Variants in FNDC3B observed in about 807,000 individuals in gnomAD.
The protein encoded by FNDC3B is fibronectin type III domain containing 3B, also known as fibronectin type III domain-containing protein 3B.
A neutral mutation model predicts 151.5 loss-of-function variants in FNDC3B; 12 were observed. The ratio of observed to expected loss-of-function variants is 0.08; its 90% CI spans 0.05 to 0.13. The LOEUF (loss-of-function observed/expected upper bound fraction) is 0.13. FNDC3B is among the 10% of genes least tolerant of loss of function. The pLI is 1.00. For missense variants in FNDC3B, 1,214 were observed against 1,505.3 expected, an observed-to-expected ratio of 0.81 and a Z score of 3.20; for synonymous variants, 528 against 549.0, an observed-to-expected ratio of 0.96 and a Z score of 0.54.
At chr3:172,070,760 C>G (rs757260695) in intron 1 of FNDC3B, among the ~76,000 whole-genome samples, 5 of 152,184 alleles carry the variant, frequency 3.3e-5, no homozygotes, top group Admixed American at 6.5e-5. Flanking sequence ...CCAGCCTTGA[C>G]AATCAATCAG....
At chr3:172,322,338 G>GA (rs1378306782) in intron 11 of FNDC3B, among the ~76,000 whole-genome samples, 1 of 152,184 alleles carries the variant, frequency 6.6e-6, no homozygotes, top group East Asian at 1.9e-4. Flanking sequence ...AGTGAGAATC[G>GA]AAAATCAGGT....
intron 1 of FNDC3B, among the ~76,000 whole-genome samples, chr3:172,058,444 C>G (rs1369023059): frequency 6.7e-6 from 1 of 149,114 alleles, no homozygotes; most frequent in Non-Finnish European, 1.5e-5. Context: ...GAATGAGATC[C>G]TTAATTTTCT....
intron 2 of FNDC3B, chr3:172,126,927 T>G: frequency 2.4e-6 from 1 of 418,240 alleles, no homozygotes; most frequent in Non-Finnish European, 4.8e-6. Flanking sequence ...CTTCTGTGAA[T>G]GGATTCCTAT....
chr3:172,314,761 T>A (rs995928210), intron 11 of FNDC3B, among the ~76,000 whole-genome samples: 1 of 152,194 alleles, frequency 6.6e-6, no homozygotes, highest in Non-Finnish European at 1.5e-5. Flanking sequence ...TTGACCTTCA[T>A]GGGAAGATCC....
intron 3 of FNDC3B, among the ~76,000 whole-genome samples, chr3:172,187,812 A>G (rs369396923): frequency 6.6e-6 from 1 of 151,960 alleles, no homozygotes; most frequent in African/African-American, 2.4e-5. Context: ...TAGAGAGCGG[A>G]TTTCGCCATG....
chr3:172,095,606 G>A (rs1418413050), intron 1 of FNDC3B, among the ~76,000 whole-genome samples: 1 of 152,212 alleles, frequency 6.6e-6, no homozygotes, highest in Non-Finnish European at 1.5e-5. Context: ...ATTTGGCACA[G>A]ATGTGATCAG....
chr3:172,051,298 C>T (rs1468599872), intron 1 of FNDC3B, among the ~76,000 whole-genome samples: 1 of 151,736 alleles, frequency 6.6e-6, no homozygotes, highest in Non-Finnish European at 1.5e-5. Context: ...CCTAACTTAA[C>T]ATTTTCTTAA....
intron 20 of FNDC3B, 50 bp downstream of exon 20, chr3:172,346,490 C>T (rs1384117087): frequency 9.7e-7 from 1 of 1,035,814 alleles, no homozygotes; most frequent in Non-Finnish European, 1.5e-6. Context: ...ACTTTACTCC[C>T]AAATACAAAT....
At chr3:172,382,088 C>T (rs973086427) in intron 25 of FNDC3B, among the ~76,000 whole-genome samples, 22 of 152,328 alleles carry the variant, frequency 1.4e-4, no homozygotes, top group East Asian at 7.7e-4. Context: ...CTCCCACCAA[C>T]GGTGTAAAAG....
At position 172,121,465 on chromosome 3, in the gene FNDC3B, C is replaced by T. The variant is rs562601480; in HGVS notation, c.111+8875C>T. Among the ~76,000 whole-genome samples, 358 of 152,082 alleles carry T rather than the reference C, an allele frequency of 2.4e-3. 1 individual carries two copies. The highest frequency in any genetic ancestry group is 8.2e-3 in the African/African-American group (341 of 41,482). On this transcript the variant is annotated intron_variant, in intron 2 of 25. Coordinates refer to ENST00000415807, the MANE Select transcript of FNDC3B (RefSeq NM_022763.4). ...AGGATTTGAGGCCCCCAATAAGTGC[C>T]GCATGGAACATTCACTAAAGCATAG... is the stretch of plus-strand genomic sequence containing the variant.
At chr3:172,357,135 A>G (rs1490526338) in intron 22 of FNDC3B, among the ~76,000 whole-genome samples, 2 of 152,242 alleles carry the variant, frequency 1.3e-5, no homozygotes, top group African/African-American at 4.8e-5. Context: ...ATCAAAATTT[A>G]TAAAGAATGT....
At chr3:172,171,393 G>A (rs1723274327) in intron 3 of FNDC3B, among the ~76,000 whole-genome samples, 1 of 152,040 alleles carries the variant, frequency 6.6e-6, no homozygotes, top group Non-Finnish European at 1.5e-5. Context: ...CCTTGTTGTA[G>A]ATGTGGCACA....
chr3:172,076,544 A>G (rs1718020266), intron 1 of FNDC3B, among the ~76,000 whole-genome samples: 1 of 152,256 alleles, frequency 6.6e-6, no homozygotes, highest in Non-Finnish European at 1.5e-5. Context: ...TTGAGTGCAC[A>G]TCTTGGCAAA....
At chr3:172,364,968 C>A (rs1266612565) in intron 23 of FNDC3B, among the ~76,000 whole-genome samples, 1 of 152,124 alleles carries the variant, frequency 6.6e-6, no homozygotes, top group African/African-American at 2.4e-5. Context: ...AATTCTCATT[C>A]TATTTGTGAA....
chr3:172,349,741 C>T (rs1017578324), intron 21 of FNDC3B, among the ~76,000 whole-genome samples: 1 of 152,072 alleles, frequency 6.6e-6, no homozygotes, highest in African/African-American at 2.4e-5. Context: ...CTGCAACCTC[C>T]GCTTCACAGG....
At chr3:172,213,970 G>A (rs181767529) in intron 3 of FNDC3B, among the ~76,000 whole-genome samples, 1 of 149,982 alleles carries the variant, frequency 6.7e-6, no homozygotes, top group East Asian at 2.0e-4. Flanking sequence ...GCTTGTTTCT[G>A]TGGAGGCAAT....
chr3:172,041,711 G>T lies in FNDC3B; in HGVS notation c.-29+1940G>T, dbSNP rs539662807. Among the ~76,000 whole-genome samples, 37 of 152,232 alleles carry T rather than the reference G, an allele frequency of 2.4e-4. No individual in the cohort carries two copies. In the South Asian group the frequency reaches 2.5e-3, roughly 10 times the overall value. ...GTTGCTCCTCCACCCCTAAGTTAAA[G>T]CTATGAACCTGGGTGCCCGGGCAAC... On this transcript the variant is annotated intron_variant, in intron 1 of 25. Transcript: ENST00000415807.
intron 9 of FNDC3B, among the ~76,000 whole-genome samples, chr3:172,299,454 A>G (rs1730791703): frequency 6.6e-6 from 1 of 152,358 alleles, no homozygotes; most frequent in East Asian, 1.9e-4. Flanking sequence ...TAGAGAGACC[A>G]TCTGATTATT....
At chr3:172,157,061 T>C (rs1004516064) in intron 3 of FNDC3B, among the ~76,000 whole-genome samples, 1 of 152,234 alleles carries the variant, frequency 6.6e-6, no homozygotes, top group Non-Finnish European at 1.5e-5. Context: ...CAGTGTCATA[T>C]ATGATACTAT....
Sources: gnomAD v4.1 joint callset for allele counts (sites outside exome capture counted in the v4.1 genomes callset) on GRCh38, gnomAD v4.1.1 for gene constraint, MANE v1.5 for transcripts, NCBI Gene and HGNC (gene_info 2026-07-23, HGNC 2026-07-21) for gene names.